TPCN2: variants seen among roughly 807,000 people sequenced by gnomAD.
TPCN2 encodes two pore channel protein 2.
TPCN2 carries 92 observed loss-of-function variants against 111.4 expected under a neutral mutation model. The ratio of observed to expected loss-of-function variants is 0.83; its 90% CI spans 0.70 to 0.98. The LOEUF (loss-of-function observed/expected upper bound fraction) is 0.98. Ranked by LOEUF, TPCN2 falls within the 50% of genes least tolerant of loss-of-function variation. The pLI, the probability that TPCN2 is intolerant of heterozygous loss-of-function variation, is 0.00. For synonymous variants in TPCN2, 405 were observed against 414.5 expected, an observed-to-expected ratio of 0.98 and a Z score of 0.28; for missense variants, 995 against 980.1, an observed-to-expected ratio of 1.02 and a Z score of -0.20.
intron 17 of TPCN2, among the ~76,000 whole-genome samples, chr11:69,080,214 C>T (rs573739457): frequency 6.6e-6 from 1 of 152,370 alleles, no homozygotes; most frequent in East Asian, 1.9e-4. Context: ...GCCCCTGGCT[C>T]AGGTCTCAGG....
At position 69,067,579 on chromosome 11, in the gene TPCN2, T is replaced by C. The variant is rs774696462; in HGVS notation, c.803T>C (p.Leu268Pro). The C allele has an allele frequency of 1.9e-6, 3 of 1,614,000 alleles. No individual in the cohort carries two copies. Residue 268 changes from leucine (L) to proline (P), a missense_variant, in exon 8 of 25, where the codon CTG (leucine) becomes CCG (proline). Coordinates refer to ENST00000294309, the MANE Select transcript of TPCN2 (RefSeq NM_139075.4). ...LPESLTSLLVLLTTANNPDVM... is the reference protein window; with the variant it reads ...LPESLTSLLVPLTTANNPDVM... ...GAGTCTCTGACTTCCCTCCTGGTGC[T>C]GCTGACCACGGCCAACAACCCCGAT...
intron 23 of TPCN2, 22 bp downstream of exon 23, chr11:69,086,626 G>C: frequency 6.2e-7 from 1 of 1,610,440 alleles, no homozygotes; most frequent in Non-Finnish European, 8.5e-7. Context: ...CCCCACCCAG[G>C]CTGTTCTCCA....
chr11:69,063,293 C>G (rs1350105587), intron 6 of TPCN2, among the ~76,000 whole-genome samples: 1 of 151,994 alleles, frequency 6.6e-6, no homozygotes, highest in Non-Finnish European at 1.5e-5. Flanking sequence ...CTTGTCCCCT[C>G]TGTGGCTGTG....
chr11:69,074,882 C>G (rs985942765), intron 13 of TPCN2, among the ~76,000 whole-genome samples: 2 of 152,164 alleles, frequency 1.3e-5, no homozygotes, highest in African/African-American at 4.8e-5. Flanking sequence ...CAGTTGTTGC[C>G]GTTCCCTAGG....
In TPCN2 at chr11:69,088,064, TTCCTC is replaced by T; in HGVS notation, c.*113_*117del. The stretch of plus-strand genomic sequence containing the variant: ...TGGCCAGCCAGGCAGGAAGAGACCT[TTCCTC>T]TGACGGACCACTAAGCTGGGGACAG... On this transcript the variant is annotated 3_prime_UTR_variant, in exon 25 of 25. Coordinates refer to ENST00000294309, the MANE Select transcript of TPCN2 (RefSeq NM_139075.4). The T allele has an allele frequency of 1.1e-6, 1 of 904,220 alleles. No homozygotes were observed. The highest frequency in any genetic ancestry group is 1.7e-6 in the Non-Finnish European group (1 of 604,694). The allele number at this position is 904,220 out of a possible 1,614,324, so 56.0% of individuals were successfully genotyped here. A position where few individuals can be genotyped will look rare whatever the true frequency, so the allele number is the denominator to read the frequency against.
intron 1 of TPCN2, among the ~76,000 whole-genome samples, chr11:69,049,783 A>T (rs553822566): frequency 4.6e-5 from 7 of 152,124 alleles, no homozygotes; most frequent in African/African-American, 1.2e-4. Context: ...TGGTCTGAAG[A>T]TTGCTGAATC....
At chr11:69,070,601 C>G in intron 9 of TPCN2, 106 bp downstream of exon 9, 1 of 857,958 alleles carries the variant, frequency 1.2e-6, no homozygotes, top group South Asian at 1.7e-5. Context: ...CCGTGTTTTT[C>G]ACTCCAGAGA....
intron 13 of TPCN2, among the ~76,000 whole-genome samples, chr11:69,076,654 TG>T (rs1855769302): frequency 9.5e-6 from 1 of 105,058 alleles, no homozygotes; most frequent in African/African-American, 3.9e-5. Flanking sequence ...CCTCCTGCCG[TG>T]TCCCTCCACC....
At chr11:69,075,621 G>A (rs1855718627) in intron 13 of TPCN2, among the ~76,000 whole-genome samples, 1 of 152,226 alleles carries the variant, frequency 6.6e-6, no homozygotes. Flanking sequence ...GGCAGCCTGT[G>A]GTTTTGGAAG....
chr11:69,082,860 T>C (rs951167055), intron 18 of TPCN2, among the ~76,000 whole-genome samples: 6 of 148,964 alleles, frequency 4.0e-5, no homozygotes, highest in African/African-American at 7.5e-5. Context: ...TGTGAACTCG[T>C]GCCCGGATAA....
At chr11:69,051,138 G>A (rs181412470) in intron 1 of TPCN2, among the ~76,000 whole-genome samples, 42 of 152,388 alleles carry the variant, frequency 2.8e-4, no homozygotes, top group African/African-American at 9.9e-4. Context: ...TCTTGCCAAC[G>A]GGTTGTGGTG....
chr11:69,090,352 G>T lies in TPCN2; in HGVS notation c.*2399G>T, dbSNP rs532567107. 3.3e-5 allele frequency: 5 copies of T among 152,238 alleles called. No homozygotes were observed. Among genetic ancestry groups the T allele is most frequent in the African/African-American group, 9.6e-5 (4 of 41,506 alleles). 9.4% of individuals were successfully genotyped at this position (152,238 alleles called of 1,614,324 possible). A position where few individuals can be genotyped will look rare whatever the true frequency, so the allele number is the denominator to read the frequency against. Reference sequence around the variant, plus strand: ...TATTATTGGGTCAGTTTTCCTGCATGTCCCCAGCCTCCCATCACTGCCACC... The same window carrying T: ...TATTATTGGGTCAGTTTTCCTGCATTTCCCCAGCCTCCCATCACTGCCACC... On this transcript the variant is annotated 3_prime_UTR_variant, in exon 25 of 25. Coordinates refer to ENST00000294309, the MANE Select transcript of TPCN2 (RefSeq NM_139075.4).
At chr11:69,060,634 T>G (rs747255597) in intron 5 of TPCN2, among the ~76,000 whole-genome samples, 6 of 152,162 alleles carry the variant, frequency 3.9e-5, no homozygotes, top group Non-Finnish European at 8.8e-5. Context: ...CCCGTCCTTA[T>G]AGAGGCCTCA....
chr11:69,085,078 C>G (rs767860778), intron 19 of TPCN2, 132 bp from the exon 20 acceptor site: 2 of 925,714 alleles, frequency 2.2e-6, no homozygotes, highest in Non-Finnish European at 3.4e-6. Flanking sequence ...AGCAGCCAGG[C>G]TGGAATCCCA....
chr11:69,071,044 G>C (rs1432866892), intron 9 of TPCN2, among the ~76,000 whole-genome samples: 1 of 112,606 alleles, frequency 8.9e-6, no homozygotes, highest in African/African-American at 3.6e-5. Flanking sequence ...CTTCACCCCA[G>C]GGATCCCCCA....
chr11:69,081,525 G>A (rs371868695), intron 18 of TPCN2, 26 bp downstream of exon 18: 71 of 1,500,520 alleles, frequency 4.7e-5, no homozygotes, highest in Middle Eastern at 1.7e-4. Flanking sequence ...ACCCCCACTC[G>A]CCCCACCCTC....
chr11:69,061,814 G>A (rs888079105), intron 5 of TPCN2, among the ~76,000 whole-genome samples: 1 of 151,296 alleles, frequency 6.6e-6, no homozygotes, highest in African/African-American at 2.4e-5. Context: ...TGGTGATTGA[G>A]CCAATCCTGA....
At chr11:69,084,750 C>G in intron 19 of TPCN2, 2 of 985,420 alleles carry the variant, frequency 2.0e-6, no homozygotes, top group Non-Finnish European at 2.4e-6. Flanking sequence ...CTGTGCCTCG[C>G]GCCTCTGGAA....
intron 10 of TPCN2, among the ~76,000 whole-genome samples, chr11:69,071,671 A>G (rs1308560031): frequency 2.6e-5 from 4 of 152,130 alleles, no homozygotes; most frequent in Admixed American, 2.6e-4. Context: ...CCCCCAACAC[A>G]CAGAGGAGAA....
Sources: allele counts gnomAD v4.1 joint callset (sites outside exome capture counted in the v4.1 genomes callset), GRCh38; gene constraint gnomAD v4.1.1; transcripts MANE v1.5; gene names NCBI Gene and HGNC (gene_info 2026-07-23, HGNC 2026-07-21).